STK31: variants seen among roughly 807,000 people sequenced by gnomAD.
STK31 encodes serine/threonine-protein kinase 31.
STK31 carries 89 observed loss-of-function variants against 129.7 expected under a neutral mutation model. That is an observed-to-expected ratio of 0.69 (90% CI 0.58 to 0.82). The LOEUF (loss-of-function observed/expected upper bound fraction) is 0.82. Among genes scored for constraint, STK31 ranks in the 40% least tolerant of loss-of-function variants. The pLI is 0.00. For missense variants in STK31, 1,187 were observed against 1,176.4 expected (o/e 1.01, Z -0.13); for synonymous variants, 448 against 395.3 (o/e 1.13, Z -1.58).
In STK31 at chr7:23,710,818, C is replaced by T. The variant is rs571008682; in HGVS notation, c.50+483C>T. On this transcript the variant is annotated intron_variant, in intron 1 of 23. Coordinates refer to ENST00000355870, the MANE Select transcript of STK31 (RefSeq NM_031414.5). ...TTAAAAACTACTCTAGAAGTAGCTT[C>T]TTGGAGTGTGTGGAGAGATTTCCAA... is the stretch of plus-strand genomic sequence containing the variant. 35 of 1,001,982 alleles carry T rather than the reference C, an allele frequency of 3.5e-5. No homozygotes were observed. The South Asian group carries it at 1.5e-3, about 42-fold the overall frequency. 62.1% of individuals were successfully genotyped at this position (1,001,982 alleles called of 1,614,324 possible). A position where few individuals can be genotyped will look rare whatever the true frequency, so the allele number is the denominator to read the frequency against.
At chr7:23,752,602 A>G (rs1311193183) in intron 8 of STK31, 115 bp from the exon 9 acceptor site, 2 of 726,434 alleles carry the variant, frequency 2.8e-6, no homozygotes, top group African/African-American at 1.8e-5. Flanking sequence ...TGGCCTCCCA[A>G]AGTGTTGGAA....
chr7:23,828,146 C>A (rs1005861457), intron 23 of STK31, among the ~76,000 whole-genome samples: 1 of 152,176 alleles, frequency 6.6e-6, no homozygotes, highest in African/African-American at 2.4e-5. Context: ...CTTAAGTCTG[C>A]AGAGGTTATT....
At position 23,712,240 on chromosome 7, in the gene STK31, A is replaced by G. The variant is rs751357906; in HGVS notation, c.104A>G (p.Asp35Gly). 5 of 1,614,110 alleles carry G rather than the reference A, an allele frequency of 3.1e-6. No individual in the cohort carries two copies. Among genetic ancestry groups the G allele is most frequent in the Non-Finnish European group, 4.2e-6 (5 of 1,179,984 alleles). ...TATTGTGATTTGATTTTAGTGGAAG[A>G]TGTGGTTGGAAGTCACATAGAAGAT... ...DEDTHYDKVE[D>G]VVGSHIEDAV... The change falls in exon 3 of 24, where the codon GAT becomes GGT. Residue 35 changes from aspartate (D) to glycine (G), a missense_variant. Physicochemically the swap from Asp to Gly is moderately conservative, Grantham distance 94. Around this residue, in one of 5 missense-constraint regions of STK31, gnomAD observed 104 missense variants for 98.3 expected, o/e 1.06. Coordinates refer to ENST00000355870, the MANE Select transcript of STK31 (RefSeq NM_031414.5).
chr7:23,729,738 G>T (rs553288352), intron 6 of STK31, among the ~76,000 whole-genome samples: 1 of 152,170 alleles, frequency 6.6e-6, no homozygotes, highest in Admixed American at 6.5e-5. Context: ...TCGAACTCCT[G>T]ACCCCAGGTG....
intron 22 of STK31, among the ~76,000 whole-genome samples, chr7:23,792,687 C>T (rs1791713340): frequency 6.6e-6 from 1 of 151,928 alleles, no homozygotes. Context: ...ATTGAAGGAC[C>T]CAAACTACCT....
intron 21 of STK31, among the ~76,000 whole-genome samples, chr7:23,790,146 T>C (rs1222486100): frequency 6.6e-6 from 1 of 152,134 alleles, no homozygotes; most frequent in African/African-American, 2.4e-5. Flanking sequence ...AAATCGTAGC[T>C]AGAAAAAAGA....
intron 23 of STK31, among the ~76,000 whole-genome samples, chr7:23,825,272 CAG>C (rs1794061352): frequency 6.6e-6 from 1 of 152,174 alleles, no homozygotes; most frequent in African/African-American, 2.4e-5. Flanking sequence ...GCCTCAATTT[CAG>C]AGCCTGTTAT....
intron 12 of STK31, among the ~76,000 whole-genome samples, 189 bp downstream of exon 12, chr7:23,769,363 A>G (rs1455907653): frequency 6.6e-6 from 1 of 151,568 alleles, no homozygotes; most frequent in Non-Finnish European, 1.5e-5. Flanking sequence ...TCTCAAAAAA[A>G]TCATATCGGT....
chr7:23,728,262 T>C (rs947238011), intron 5 of STK31, among the ~76,000 whole-genome samples: 1 of 151,960 alleles, frequency 6.6e-6, no homozygotes, highest in African/African-American at 2.4e-5. Context: ...AATTATAATA[T>C]GTATGTTTTT....
At chr7:23,809,003 C>G (rs1792917312) in intron 22 of STK31, among the ~76,000 whole-genome samples, 1 of 111,274 alleles carries the variant, frequency 9.0e-6, no homozygotes, top group Non-Finnish European at 1.9e-5. Context: ...GGGTGGCAGA[C>G]TTCTCAAGGA....
intron 3 of STK31, among the ~76,000 whole-genome samples, chr7:23,716,679 A>G (rs1015756787): frequency 2.6e-5 from 4 of 151,948 alleles, no homozygotes; most frequent in African/African-American, 7.3e-5. Context: ...TTATAATCCT[A>G]TGCTATCATA....
intron 22 of STK31, among the ~76,000 whole-genome samples, chr7:23,811,889 G>T (rs895204990): frequency 5.3e-5 from 8 of 152,074 alleles, no homozygotes; most frequent in East Asian, 1.9e-4. Flanking sequence ...TTCCTTTGAG[G>T]TTCCTTTATT....
chr7:23,809,992 T>C (rs7786857), intron 22 of STK31, among the ~76,000 whole-genome samples: 77,051 of 152,050 alleles, frequency 0.51, 19,772 homozygotes, highest in Admixed American at 0.57. Flanking sequence ...GACTGTTGTT[T>C]TGTCAGTTAC....
At chr7:23,810,779 T>C (rs949561269) in intron 22 of STK31, among the ~76,000 whole-genome samples, 10 of 107,440 alleles carry the variant, frequency 9.3e-5, no homozygotes, top group African/African-American at 3.4e-4. Context: ...AAATATATAT[T>C]ATATATAAAT....
At chr7:23,785,227 C>G (rs1288600380) in intron 17 of STK31, among the ~76,000 whole-genome samples, 1 of 152,108 alleles carries the variant, frequency 6.6e-6, no homozygotes, top group Non-Finnish European at 1.5e-5. Context: ...CTGGTTGATT[C>G]TAGTCATTTC....
intron 3 of STK31, among the ~76,000 whole-genome samples, chr7:23,713,094 T>C (rs1032241542): frequency 1.3e-5 from 2 of 152,118 alleles, no homozygotes; most frequent in African/African-American, 4.8e-5. Flanking sequence ...TACAGAGAAA[T>C]GCATCATTAG....
chr7:23,757,768 C>A (rs574442105), intron 10 of STK31, among the ~76,000 whole-genome samples: 3 of 152,036 alleles, frequency 2.0e-5, no homozygotes, highest in African/African-American at 7.2e-5. Flanking sequence ...TTATGGGTGT[C>A]GGGCTGGGGG....
In STK31 at chr7:23,759,833, C is replaced by G. The variant is rs530745071; in HGVS notation, c.1294-2968C>G. Among the ~76,000 whole-genome samples the G allele has an allele frequency of 2.2e-4, 33 of 152,248 alleles. No homozygotes were observed. In the Middle Eastern group the frequency reaches 0.01, roughly 47 times the overall value. On this transcript the variant is annotated intron_variant, in intron 10 of 23. Coordinates refer to ENST00000355870, the MANE Select transcript of STK31 (RefSeq NM_031414.5). The stretch of plus-strand genomic sequence containing the variant: ...GTGGACTCTTGTAACTAAACATGCC[C>G]CTTGAGGGACCCTGGAAGCTATACC...
chr7:23,812,849 A>T lies in STK31; in HGVS notation c.2761-2295A>T, dbSNP rs570141273. Reference sequence around the variant, plus strand: ...ATGTTGCTGCAAAAGATATGATTTTATTCTTTTTTATTGCTGAATATTCTG... The same window carrying T: ...ATGTTGCTGCAAAAGATATGATTTTTTTCTTTTTTATTGCTGAATATTCTG... On this transcript the variant is annotated intron_variant, in intron 22 of 23. Coordinates refer to ENST00000355870, the MANE Select transcript of STK31 (RefSeq NM_031414.5). Among the ~76,000 whole-genome samples the T allele has an allele frequency of 3.9e-5, 6 of 152,190 alleles. No individual in the cohort carries two copies. In the South Asian group the frequency reaches 1.2e-3, roughly 32 times the overall value.
Sources: allele counts gnomAD v4.1 joint callset (sites outside exome capture counted in the v4.1 genomes callset), GRCh38; gene constraint gnomAD v4.1.1; regional missense constraint gnomAD v4.1.1; transcripts MANE v1.5; gene names NCBI Gene and HGNC (gene_info 2026-07-23, HGNC 2026-07-21).